Variants in INO80 observed in about 807,000 individuals in gnomAD.
INO80 encodes the protein chromatin-remodeling ATPase INO80.
In INO80, 20 loss-of-function variants were observed where a neutral mutation model predicts 203.4. That is an observed-to-expected ratio of 0.10 (90% CI 0.07 to 0.14). INO80 has a LOEUF of 0.14. Ranked by LOEUF, INO80 falls within the 10% of genes least tolerant of loss-of-function variation. The probability of loss-of-function intolerance (pLI) is 1.00; values close to 1 mark genes in which losing one functional copy is unlikely to be tolerated. For missense variants in INO80, 1,419 were observed against 1,914.4 expected (o/e 0.74, Z 4.83); for synonymous variants, 726 against 685.2 (o/e 1.06, Z -0.93).
At chr15:41,005,563 G>T (rs2044028935) in intron 28 of INO80, 30 bp downstream of exon 28, 3 of 1,180,122 alleles carry the variant, frequency 2.5e-6, no homozygotes, top group African/African-American at 1.6e-5. Context: ...AAATTAAAAA[G>T]ATAATTTTTG....
chr15:41,056,303 T>C (rs1457715820), intron 17 of INO80, among the ~76,000 whole-genome samples: 2 of 152,164 alleles, frequency 1.3e-5, no homozygotes, highest in African/African-American at 4.8e-5. Flanking sequence ...CCAAAAATTT[T>C]AGCTCCCCTC....
chr15:41,006,124 T>C (rs1354301927), intron 27 of INO80, among the ~76,000 whole-genome samples: 9 of 152,164 alleles, frequency 5.9e-5, no homozygotes, highest in Non-Finnish European at 1.2e-4. Context: ...AATGCTTAAA[T>C]TTACAGCCTA....
chr15:41,042,206 G>T (rs1161901424), intron 24 of INO80, among the ~76,000 whole-genome samples: 1 of 151,730 alleles, frequency 6.6e-6, no homozygotes, highest in Non-Finnish European at 1.5e-5. Context: ...AATAGAGACA[G>T]GGTTTCACCA....
chr15:41,030,940 G>C (rs2044450729), intron 24 of INO80, among the ~76,000 whole-genome samples: 1 of 152,188 alleles, frequency 6.6e-6, no homozygotes, highest in Non-Finnish European at 1.5e-5. Flanking sequence ...AAAGTGCTGG[G>C]ATTACAGGCG....
At position 40,983,267 on chromosome 15, in the gene INO80, C is replaced by T. The variant is rs533391190; in HGVS notation, c.4238-190G>A. 18 of 578,968 alleles carry T rather than the reference C, an allele frequency of 3.1e-5. No individual in the cohort carries two copies. In the East Asian group the frequency reaches 4.9e-4, roughly 16 times the overall value. The allele number at this position is 578,968 out of a possible 1,614,324, so 35.9% of individuals were successfully genotyped here. Reference sequence around the variant, plus strand: ...CACACAGAATACTAAGAATTCTAAACAATGAAAACATCCTAACTCCTCAAG... The same window carrying T: ...CACACAGAATACTAAGAATTCTAAATAATGAAAACATCCTAACTCCTCAAG... On this transcript the variant is annotated intron_variant, in intron 34 of 35. Transcript: ENST00000648947.
chr15:41,023,577 T>C (rs1305071868), intron 25 of INO80, among the ~76,000 whole-genome samples: 2 of 151,918 alleles, frequency 1.3e-5, no homozygotes, highest in African/African-American at 4.8e-5. Context: ...GAGACTGGCC[T>C]GGCCAACATG....
chr15:41,009,924 G>A (rs1381786567), intron 27 of INO80, among the ~76,000 whole-genome samples: 1 of 151,924 alleles, frequency 6.6e-6, no homozygotes, highest in Non-Finnish European at 1.5e-5. Flanking sequence ...TAAAAGCATC[G>A]GAACACTTTC....
At chr15:41,026,037 C>G (rs2044370070) in intron 25 of INO80, among the ~76,000 whole-genome samples, 1 of 151,326 alleles carries the variant, frequency 6.6e-6, no homozygotes, top group Non-Finnish European at 1.5e-5. Context: ...CAGTATAAAC[C>G]AAACAAAGTT....
In INO80 at chr15:40,983,826, G is replaced by A. The variant is rs1421161579; in HGVS notation, c.4173C>T (p.Ala1391=). 2 of 1,612,812 alleles carry A rather than the reference G, an allele frequency of 1.2e-6. No individual in the cohort carries two copies. The highest frequency in any genetic ancestry group is 1.3e-5 in the African/African-American group (1 of 74,878). Residue 1391 remains alanine, a synonymous_variant, in exon 34 of 36, where the codon GCC becomes GCT. Coordinates refer to ENST00000648947, the MANE Select transcript of INO80 (RefSeq NM_017553.3). ...GAGAGTTGGTAGCTCGAGACTGAGG[G>A]GCTGAGGAGGCTGGGTCATCCACAA... ...LVIVDDPASS[A]PQSRATNSPA...
At chr15:41,079,073 A>G (rs577791663) in intron 9 of INO80, among the ~76,000 whole-genome samples, 1 of 152,292 alleles carries the variant, frequency 6.6e-6, no homozygotes, top group South Asian at 2.1e-4. Flanking sequence ...TGGGAGGCAA[A>G]GGTTGCAGAG....
At chr15:41,045,159 T>C (rs2044733740) in intron 23 of INO80, 84 bp from the exon 24 acceptor site, 3 of 968,310 alleles carry the variant, frequency 3.1e-6, no homozygotes, top group African/African-American at 1.6e-5. Flanking sequence ...TTGTCTCTCA[T>C]TAACATAACT....
intron 1 of INO80, among the ~76,000 whole-genome samples, chr15:41,106,348 C>T (rs1481054950): frequency 7.0e-6 from 1 of 142,278 alleles, no homozygotes; most frequent in Admixed American, 7.5e-5. Context: ...CATGCCACCA[C>T]ACTCCAGCCT....
chr15:41,006,676 G>A (rs984530895), intron 27 of INO80, among the ~76,000 whole-genome samples: 1 of 152,224 alleles, frequency 6.6e-6, no homozygotes, highest in African/African-American at 2.4e-5. Context: ...CCTATTCTTA[G>A]ATGGAGTGAG....
Position 41,103,198 on chromosome 15 carries a change from A to G in INO80, c.-43-6845T>C, listed in dbSNP as rs189575016. Among the ~76,000 whole-genome samples the G allele has an allele frequency of 2.0e-5, 3 of 152,162 alleles. No individual in the cohort carries two copies. The East Asian group carries it at 5.8e-4, about 29-fold the overall frequency. On this transcript the variant is annotated intron_variant, in intron 1 of 35. Coordinates refer to ENST00000648947, the MANE Select transcript of INO80 (RefSeq NM_017553.3). ...CTCTCCTGGCATGCAGTGAGTCCCA[A>G]TGTGTAGTTAATTCTTCTTTGGGAA...
intron 24 of INO80, among the ~76,000 whole-genome samples, chr15:41,036,167 A>AC: frequency 7.1e-6 from 1 of 141,082 alleles, no homozygotes; most frequent in Non-Finnish European, 1.5e-5. Flanking sequence ...AAAAAAAAAA[A>AC]AAAAAAAAAA....
intron 29 of INO80, among the ~76,000 whole-genome samples, chr15:40,994,694 T>C (rs929134622): frequency 1.3e-5 from 2 of 152,080 alleles, no homozygotes; most frequent in Admixed American, 1.3e-4. Context: ...TCCATTTCTT[T>C]ATGCTTTGTC....
intron 14 of INO80, among the ~76,000 whole-genome samples, chr15:41,060,772 T>G (rs1566933411): frequency 6.6e-6 from 1 of 152,088 alleles, no homozygotes; most frequent in Non-Finnish European, 1.5e-5. Context: ...TAAAAAGGCT[T>G]TGAATAATTT....
chr15:41,098,304 T>C (rs1163261057), intron 1 of INO80, among the ~76,000 whole-genome samples: 1 of 152,178 alleles, frequency 6.6e-6, no homozygotes, highest in Non-Finnish European at 1.5e-5. Flanking sequence ...ATTCTAGATA[T>C]GCAATCAAAA....
rs895675729 is a variant in INO80, at chr15:41,096,451, A to G, written c.-43-98T>C. 7.7e-6 allele frequency: 6 copies of G among 776,872 alleles called. No individual in the cohort carries two copies. In the African/African-American group the frequency reaches 1.1e-4, roughly 14 times the overall value. The allele number at this position is 776,872 out of a possible 1,614,324, so 48.1% of individuals were successfully genotyped here. On this transcript the variant is annotated intron_variant, in intron 1 of 35. Transcript: ENST00000648947. ...AATGTGAAGAGAAATCAGACCTTCT[A>G]GAACACAAGACACTGAAAAGACAGG...
Sources: gnomAD v4.1 joint callset for allele counts (sites outside exome capture counted in the v4.1 genomes callset) on GRCh38, gnomAD v4.1.1 for gene constraint, MANE v1.5 for transcripts, NCBI Gene and HGNC (gene_info 2026-07-23, HGNC 2026-07-21) for gene names.